Variants in TENM1 observed in about 807,000 individuals in gnomAD.
The protein encoded by TENM1 is teneurin transmembrane protein 1.
TENM1 carries 35 observed loss-of-function variants against 174.8 expected under a neutral mutation model. The observed-to-expected ratio is 0.20, with a 90% CI of 0.15 to 0.27. The LOEUF (loss-of-function observed/expected upper bound fraction) is 0.27, where lower values mean the gene tolerates loss of function less well. TENM1 is among the 10% of genes least tolerant of loss of function. TENM1 has a pLI of 1.00. For missense variants in TENM1, 1,633 were observed against 2,130.1 expected (o/e 0.77, Z 4.59); for synonymous variants, 781 against 798.7 (o/e 0.98, Z 0.37).
At chrX:124,966,690 C>T (rs1441029610), upstream of TENM1, among the ~76,000 whole-genome samples, 1 of 110,142 alleles carries the variant, frequency 9.1e-6, no homozygotes, top group African/African-American at 3.3e-5. Context: ...AAAAATGGTA[C>T]GTCTCGTCTT....
At chrX:124,543,208 T>G (rs2048358835) in intron 15 of TENM1, among the ~76,000 whole-genome samples, 1 of 112,632 alleles carries the variant, frequency 8.9e-6, no homozygotes, top group Non-Finnish European at 1.9e-5. Context: ...AGGTTGCCCA[T>G]GCATCCCAAG....
intron 5 of TENM1, among the ~76,000 whole-genome samples, chrX:124,676,257 AATATAT>A (rs56962688): frequency 0.011 from 251 of 22,894 alleles, 7 homozygotes; most frequent in Middle Eastern, 0.023. Flanking sequence ...ACATATATAA[AATATAT>A]ATATATATAT....
intron 25 of TENM1, among the ~76,000 whole-genome samples, chrX:124,413,268 TG>T (rs1282549913): frequency 1.4e-4 from 16 of 111,818 alleles, no homozygotes. Flanking sequence ...AAATATATTG[TG>T]ATTGCCTATC....
At chrX:124,821,923 G>T (rs2056046746) in intron 3 of TENM1, among the ~76,000 whole-genome samples, 1 of 111,852 alleles carries the variant, frequency 8.9e-6, no homozygotes, top group Admixed American at 9.5e-5. Context: ...GATTACTAGG[G>T]TACAATTATG....
At chrX:124,955,129 C>CA (rs1361647985) in intron 1 of TENM1, among the ~76,000 whole-genome samples, 3 of 112,088 alleles carry the variant, frequency 2.7e-5, no homozygotes, top group Non-Finnish European at 5.6e-5. Context: ...CACTTGCACT[C>CA]ACCCTTCAAA....
At chrX:124,599,766 G>A (rs765209177) in intron 11 of TENM1, among the ~76,000 whole-genome samples, 13 of 110,675 alleles carry the variant, frequency 1.2e-4, no homozygotes, top group Non-Finnish European at 2.5e-4. Context: ...CTGTTTTAGC[G>A]GAGTGATTGG....
chrX:125,076,952 C>T, the TENM1 span, among the ~76,000 whole-genome samples: 1 of 110,444 alleles, frequency 9.1e-6, no homozygotes, highest in African/African-American at 3.3e-5. Context: ...CTCTCAGATT[C>T]CCTTCTTAGC....
chrX:124,678,021 G>A (rs1438031454), intron 5 of TENM1, among the ~76,000 whole-genome samples: 1 of 111,577 alleles, frequency 9.0e-6, no homozygotes, highest in Non-Finnish European at 1.9e-5. Flanking sequence ...GAGAGAAAAA[G>A]GACTGATCAA....
At chrX:124,588,709 TA>T (rs1012335594) in intron 11 of TENM1, among the ~76,000 whole-genome samples, 6 of 110,690 alleles carry the variant, frequency 5.4e-5, no homozygotes, top group East Asian at 2.8e-4. Flanking sequence ...AAAATAAAAA[TA>T]AAAAAAGAAA....
intron 3 of TENM1, among the ~76,000 whole-genome samples, chrX:124,738,815 A>G (rs1459444183): frequency 1.8e-5 from 2 of 111,938 alleles, no homozygotes; most frequent in Non-Finnish European, 3.8e-5. Flanking sequence ...AGGACTTTGG[A>G]GATGCTCTCA....
At chrX:125,158,366 G>A in the TENM1 span, among the ~76,000 whole-genome samples, 1 of 89,565 alleles carries the variant, frequency 1.1e-5, no homozygotes, top group African/African-American at 4.4e-5. Context: ...TCATGCCACT[G>A]CAGTCCAGCC....
At chrX:124,498,351 C>T (rs1259253989) in intron 19 of TENM1, among the ~76,000 whole-genome samples, 1 of 110,872 alleles carries the variant, frequency 9.0e-6, no homozygotes, top group East Asian at 2.8e-4. Flanking sequence ...ATCTTCGTCC[C>T]CACTCCTGCC....
At chrX:124,420,946 T>G in intron 24 of TENM1, 125 bp from the exon 28 acceptor site, 2 of 627,429 alleles carry the variant, frequency 3.2e-6, no homozygotes, top group Non-Finnish European at 4.9e-6. Context: ...CAACATTCTC[T>G]GTATTCCCTC....
chrX:125,140,161 G>A, the TENM1 span, among the ~76,000 whole-genome samples: 1 of 111,344 alleles, frequency 9.0e-6, no homozygotes, highest in Non-Finnish European at 1.9e-5. Flanking sequence ...CTACACCTAC[G>A]TTTTTGATCC....
chrX:124,750,885 A>G (rs920130536), intron 3 of TENM1, among the ~76,000 whole-genome samples: 3 of 112,502 alleles, frequency 2.7e-5, no homozygotes, highest in African/African-American at 9.7e-5. Flanking sequence ...GAGTCTGAAC[A>G]GCTATGTAAT....
chrX:124,867,941 A>G (rs1387401242), intron 3 of TENM1, among the ~76,000 whole-genome samples: 1 of 111,861 alleles, frequency 8.9e-6, no homozygotes, highest in Non-Finnish European at 1.9e-5. Flanking sequence ...AAAGATCTCT[A>G]TAATGAAAAA....
the TENM1 span, among the ~76,000 whole-genome samples, chrX:125,150,598 A>T: frequency 8.9e-6 from 1 of 112,271 alleles, no homozygotes; most frequent in Non-Finnish European, 1.9e-5. Flanking sequence ...GTGATACCTA[A>T]CCTAAAATAA....
In TENM1 at chrX:124,776,013, T is replaced by C. The variant is rs149358050; in HGVS notation, c.536-38816A>G. 2.8e-3 allele frequency among the ~76,000 whole-genome samples: 318 copies of C among 112,231 alleles called. 2 individuals are homozygous for C. The highest frequency in any genetic ancestry group is 9.8e-3 in the African/African-American group (303 of 30,889). On this transcript the variant is annotated intron_variant, in intron 3 of 31. Coordinates refer to ENST00000422452, the Ensembl canonical transcript of TENM1. The stretch of plus-strand genomic sequence containing the variant: ...GCTATGACTGTGTACATCTTTATTG[T>C]TGAAGACATTATTGTTGGATAGTAT...
chrX:124,379,181 A>T (rs1422088401), exon 32 of TENM1: 2 of 112,503 alleles, frequency 1.8e-5, no homozygotes, highest in African/African-American at 6.5e-5. Context: ...TGATCGCAGA[A>T]CAAATAACCC....
Sources: allele counts gnomAD v4.1 joint callset (sites outside exome capture counted in the v4.1 genomes callset), GRCh38; gene constraint gnomAD v4.1.1; transcripts MANE v1.5; gene names NCBI Gene and HGNC (gene_info 2026-07-23, HGNC 2026-07-21).